The following GLT1D1 variants were observed in gnomAD, a reference collection of about 807,000 sequenced individuals.
GLT1D1 encodes the protein glycosyltransferase 1 domain containing 1.
Under a neutral mutation model 28.7 loss-of-function variants are expected in GLT1D1, and 21 were observed. The observed-to-expected ratio is 0.73, with a 90% confidence interval of 0.52 to 1.05. The LOEUF (loss-of-function observed/expected upper bound fraction) is 1.05, where lower values mean the gene tolerates loss of function less well. Ranked by LOEUF, GLT1D1 falls within the 50% of genes least tolerant of loss-of-function variation. The pLI, the probability that GLT1D1 is intolerant of heterozygous loss-of-function variation, is 0.00. For synonymous variants in GLT1D1, 147 were observed against 124.8 expected, an observed-to-expected ratio of 1.18 and a Z score of -1.19; for missense variants, 343 against 330.6, an observed-to-expected ratio of 1.04 and a Z score of -0.29.
At chr12:128,884,069 T>C (rs958705756) in intron 2 of GLT1D1, among the ~76,000 whole-genome samples, 2 of 152,208 alleles carry the variant, frequency 1.3e-5, no homozygotes, top group African/African-American at 2.4e-5. Context: ...TCTGGGTATA[T>C]GTGCAAAGGA....
At chr12:128,867,397 C>CAAAAA (rs1158997935) in intron 1 of GLT1D1, among the ~76,000 whole-genome samples, 12 of 59,288 alleles carry the variant, frequency 2.0e-4, no homozygotes, top group Non-Finnish European at 2.5e-4. Flanking sequence ...AACTCCTTCT[C>CAAAAA]AAAAAAAAAA....
At chr12:128,892,131 A>G (rs1869130866) in intron 3 of GLT1D1, among the ~76,000 whole-genome samples, 1 of 152,156 alleles carries the variant, frequency 6.6e-6, no homozygotes, top group African/African-American at 2.4e-5. Flanking sequence ...AAGCAATCAG[A>G]TATACATTTA....
intron 5 of GLT1D1, among the ~76,000 whole-genome samples, chr12:128,946,983 G>A (rs1876188715): frequency 6.6e-6 from 1 of 152,050 alleles, no homozygotes; most frequent in African/African-American, 2.4e-5. Flanking sequence ...TGTCTCATTA[G>A]TATTTTAAAG....
At chr12:128,874,060 CTTT>C (rs1277875129) in intron 1 of GLT1D1, among the ~76,000 whole-genome samples, 2,495 of 29,190 alleles carry the variant, frequency 0.085, 196 homozygotes, top group Middle Eastern at 0.15. Context: ...TCCCTCCCTC[CTTT>C]CTTTCTTTCT....
At chr12:128,854,396 T>A (rs1593033918) in intron 1 of GLT1D1, among the ~76,000 whole-genome samples, 1 of 30,650 alleles carries the variant, frequency 3.3e-5, no homozygotes, top group Non-Finnish European at 8.4e-5. Flanking sequence ...ACAGAAGCCG[T>A]GTGTGTGTGT....
chr12:128,927,019 AG>A lies in GLT1D1; in HGVS notation c.376-18306del, dbSNP rs1235049586. 2.6e-5 allele frequency: 21 copies of A among 810,712 alleles called. No homozygotes were observed. The African/African-American group carries it at 3.3e-4, about 13-fold the overall frequency. 50.2% of individuals were successfully genotyped at this position (810,712 alleles called of 1,614,324 possible). A position where few individuals can be genotyped will look rare whatever the true frequency, so the allele number is the denominator to read the frequency against. On this transcript the variant is annotated intron_variant, in intron 4 of 7. Coordinates refer to ENST00000281703, the MANE Select transcript of GLT1D1 (RefSeq NM_144669.3). The stretch of plus-strand genomic sequence containing the variant: ...TGATATGAAATAATTTATGTTATTG[AG>A]AAATTTATATTGAAGTTAGTTGTGC...
intron 4 of GLT1D1, among the ~76,000 whole-genome samples, chr12:128,929,503 C>T (rs1294997520): frequency 1.3e-5 from 2 of 152,232 alleles, no homozygotes; most frequent in African/African-American, 4.8e-5. Context: ...GAACTCTACA[C>T]AACTGCCAGG....
intron 4 of GLT1D1, chr12:128,944,582 G>A (rs761891736): frequency 7.5e-5 from 56 of 746,946 alleles, no homozygotes; most frequent in Middle Eastern, 3.8e-4. Context: ...GCAGTAAGGC[G>A]TTGTTTAATG....
chr12:128,861,078 G>GT (rs1339527538), intron 1 of GLT1D1, among the ~76,000 whole-genome samples: 7 of 111,364 alleles, frequency 6.3e-5, no homozygotes, highest in African/African-American at 1.9e-4. Flanking sequence ...GTTTCAAAGG[G>GT]TGCCCCCCGT....
chr12:128,865,483 GT>G (rs1189671482), intron 1 of GLT1D1, among the ~76,000 whole-genome samples: 1 of 152,066 alleles, frequency 6.6e-6, no homozygotes, highest in Admixed American at 6.6e-5. Flanking sequence ...CATGTCTGCA[GT>G]TCCAAGCAAC....
chr12:128,903,772 C>T (rs1242199346), intron 4 of GLT1D1, among the ~76,000 whole-genome samples: 2 of 151,480 alleles, frequency 1.3e-5, no homozygotes, highest in African/African-American at 2.4e-5. Flanking sequence ...GCTCTGTCAC[C>T]CAAGGTGAAG....
chr12:128,934,833 G>A (rs1337761887), intron 4 of GLT1D1, among the ~76,000 whole-genome samples: 3 of 152,174 alleles, frequency 2.0e-5, no homozygotes, highest in Admixed American at 6.5e-5. Context: ...CCCCACCCAT[G>A]CCTCAGTCTC....
intron 1 of GLT1D1, among the ~76,000 whole-genome samples, chr12:128,866,857 G>A (rs1020068909): frequency 4.6e-5 from 7 of 151,582 alleles, no homozygotes; most frequent in Non-Finnish European, 1.0e-4. Flanking sequence ...CTGACCTCAG[G>A]TCATCCACCC....
intron 6 of GLT1D1, among the ~76,000 whole-genome samples, chr12:128,954,234 G>A (rs1212636105): frequency 6.6e-6 from 1 of 151,100 alleles, no homozygotes; most frequent in Non-Finnish European, 1.5e-5. Flanking sequence ...CCATTCTCCT[G>A]CCTCAGCCTC....
intron 3 of GLT1D1, among the ~76,000 whole-genome samples, chr12:128,896,318 T>G (rs1445785237): frequency 1.3e-5 from 2 of 152,076 alleles, no homozygotes; most frequent in African/African-American, 4.8e-5. Flanking sequence ...AGATTGTAAG[T>G]CCTGACTTTA....
Position 128,909,892 on chromosome 12 carries a change from G to A in GLT1D1, c.375+10605G>A, listed in dbSNP as rs80068141. Among the ~76,000 whole-genome samples, 543 of 152,326 alleles carry A rather than the reference G, an allele frequency of 3.6e-3. 1 individual carries two copies. Among genetic ancestry groups the A allele is most frequent in the African/African-American group, 0.012 (505 of 41,574 alleles). ...GATGAGCTAATCTGCAAGGCAGGCCGTACACAAGGACTTTGACTCATGTTA... is the reference window on the plus strand; with the variant it reads ...GATGAGCTAATCTGCAAGGCAGGCCATACACAAGGACTTTGACTCATGTTA... On this transcript the variant is annotated intron_variant, in intron 4 of 7. Coordinates refer to ENST00000281703, the MANE Select transcript of GLT1D1 (RefSeq NM_144669.3).
intron 4 of GLT1D1, among the ~76,000 whole-genome samples, chr12:128,908,513 T>A (rs148716037): frequency 1.7e-4 from 26 of 151,192 alleles, no homozygotes; most frequent in South Asian, 4.2e-4. Flanking sequence ...CCATCCTTCC[T>A]TCTTTCTTTC....
chr12:128,982,291 G>C (rs1203238968), intron 7 of GLT1D1, among the ~76,000 whole-genome samples: 3 of 152,182 alleles, frequency 2.0e-5, no homozygotes, highest in Non-Finnish European at 4.4e-5. Context: ...CTACAGATGG[G>C]AAATGTGGTG....
At chr12:128,886,009 C>T (rs769712194) in intron 2 of GLT1D1, among the ~76,000 whole-genome samples, 1 of 152,054 alleles carries the variant, frequency 6.6e-6, no homozygotes, top group Non-Finnish European at 1.5e-5. Context: ...TGGAGGTGGG[C>T]CTTTCCTGTG....
Sources: gnomAD v4.1 joint callset for allele counts (sites outside exome capture counted in the v4.1 genomes callset) on GRCh38, gnomAD v4.1.1 for gene constraint, MANE v1.5 for transcripts, NCBI Gene and HGNC (gene_info 2026-07-23, HGNC 2026-07-21) for gene names.